Variants in NNT observed in about 807,000 individuals in gnomAD.
The protein encoded by NNT is NAD(P) transhydrogenase, mitochondrial.
In NNT, 50 loss-of-function variants were observed where a neutral mutation model predicts 104.8. That is an observed-to-expected ratio of 0.48 (90% CI 0.38 to 0.60). NNT has a LOEUF of 0.60. NNT is among the 20% of genes least tolerant of loss of function. The probability of loss-of-function intolerance (pLI) is 0.00; values close to 1 mark genes in which losing one functional copy is unlikely to be tolerated. For missense variants in NNT, 1,131 were observed against 1,330.7 expected (o/e 0.85, Z 2.33); for synonymous variants, 461 against 490.4 (o/e 0.94, Z 0.79).
At chr5:43,622,462 C>G (rs1750148356) in intron 5 of NNT, among the ~76,000 whole-genome samples, 1 of 152,120 alleles carries the variant, frequency 6.6e-6, no homozygotes, top group African/African-American at 2.4e-5. Flanking sequence ...GAGACAGGAT[C>G]TCACTATGTT....
intron 19 of NNT, 27 bp from the exon 20 acceptor site, chr5:43,700,092 C>T: frequency 6.4e-7 from 1 of 1,570,032 alleles, no homozygotes; most frequent in South Asian, 1.1e-5. Flanking sequence ...TCAAGTAAGG[C>T]CAGCTCTTCA....
chr5:43,671,347 G>T (rs1280991941), intron 17 of NNT, among the ~76,000 whole-genome samples: 1 of 152,154 alleles, frequency 6.6e-6, no homozygotes, highest in Non-Finnish European at 1.5e-5. Context: ...TGGTTATTTT[G>T]CTCGTTAGTT....
chr5:43,662,596 T>TA (rs969205113), intron 17 of NNT, among the ~76,000 whole-genome samples: 37 of 150,282 alleles, frequency 2.5e-4, no homozygotes, highest in African/African-American at 7.1e-4. Flanking sequence ...AAGTTTTAAT[T>TA]AAAAAAAAAA....
chr5:43,677,860 G>A (rs1254550338), intron 19 of NNT, 54 bp downstream of exon 19: 2 of 1,397,462 alleles, frequency 1.4e-6, no homozygotes, highest in East Asian at 2.3e-5. Context: ...TGTGTGTGGA[G>A]AAAAGGAAAT....
intron 19 of NNT, among the ~76,000 whole-genome samples, chr5:43,679,855 T>A (rs1741608228): frequency 6.6e-6 from 1 of 151,988 alleles, no homozygotes; most frequent in South Asian, 2.1e-4. Flanking sequence ...CACATAATTA[T>A]TAACATAGTT....
chr5:43,671,415 C>G (rs147072103), intron 17 of NNT, among the ~76,000 whole-genome samples: 5,136 of 152,288 alleles, frequency 0.034, 135 homozygotes, highest in East Asian at 0.12. Context: ...TTTGCAGTAG[C>G]TGGTACTGGT....
chr5:43,689,700 G>A (rs891728464), intron 19 of NNT, among the ~76,000 whole-genome samples: 4 of 152,088 alleles, frequency 2.6e-5, no homozygotes, highest in African/African-American at 9.7e-5. Context: ...TCAGAAGGCC[G>A]ATTATTAAGC....
chr5:43,645,833 G>A (rs1010266976), intron 10 of NNT, among the ~76,000 whole-genome samples: 7 of 147,566 alleles, frequency 4.7e-5, no homozygotes, highest in Non-Finnish European at 8.9e-5. Context: ...TCCTGCCTCA[G>A]CCTCCCAAGT....
At chr5:43,603,719 C>T (rs770280735) in intron 1 of NNT, among the ~76,000 whole-genome samples, 1 of 151,986 alleles carries the variant, frequency 6.6e-6, no homozygotes, top group Non-Finnish European at 1.5e-5. Context: ...AGAGGACTTT[C>T]GATGGGCGGT....
chr5:43,695,727 A>G (rs1476110353), intron 19 of NNT, among the ~76,000 whole-genome samples: 1 of 152,208 alleles, frequency 6.6e-6, no homozygotes, highest in Non-Finnish European at 1.5e-5. Context: ...AGGAGGTTTA[A>G]TGGACTTGCA....
At chr5:43,692,923 A>C (rs918844104) in intron 19 of NNT, among the ~76,000 whole-genome samples, 7 of 152,126 alleles carry the variant, frequency 4.6e-5, no homozygotes, top group African/African-American at 1.4e-4. Context: ...TGTCAATCTC[A>C]TGTGCATTTT....
chr5:43,652,804 C>T (rs1434858546), intron 13 of NNT, among the ~76,000 whole-genome samples: 1 of 152,080 alleles, frequency 6.6e-6, no homozygotes, highest in Non-Finnish European at 1.5e-5. Flanking sequence ...TTTTTAGATC[C>T]AGTAATGACT....
chr5:43,689,736 C>CGAA (rs1742166366), intron 19 of NNT, among the ~76,000 whole-genome samples: 1 of 151,844 alleles, frequency 6.6e-6, no homozygotes. Flanking sequence ...CAGAGAAAGG[C>CGAA]GAAGTCCAAG....
At position 43,687,410 on chromosome 5, in the gene NNT, C is replaced by T. The variant is rs575243958; in HGVS notation, c.2876+9604C>T. On this transcript the variant is annotated intron_variant, in intron 19 of 21. Transcript: ENST00000344920. ...TATTCTTCATGTGATGATGGAATAT[C>T]GATGAGCTTTGGCCATCAGTTCCGG... Among the ~76,000 whole-genome samples, 7 of 152,198 alleles carry T rather than the reference C, an allele frequency of 4.6e-5. No homozygotes were observed. The South Asian group carries it at 8.3e-4, about 18-fold the overall frequency.
At position 43,700,144 on chromosome 5, in the gene NNT, C is replaced by A. The variant is rs146831958; in HGVS notation, c.2902C>A (p.Arg968=). Residue 968 remains arginine, a synonymous_variant, in exon 20 of 22, where the codon CGA becomes AGA. Coordinates refer to ENST00000344920, the MANE Select transcript of NNT (RefSeq NM_182977.3). Reference sequence around the variant, plus strand: ...GTTTGGAATTCACCCAGTTGCAGGCCGAATGCCTGGTCAGCTTAATGTGCT... The same window carrying A: ...GTTTGGAATTCACCCAGTTGCAGGCAGAATGCCTGGTCAGCTTAATGTGCT... ...VRFGIHPVAG[R]MPGQLNVLLA... 1.3e-3 allele frequency: 2,143 copies of A among 1,612,180 alleles called. 57 individuals carry two copies. The South Asian group carries it at 0.018, about 14-fold the overall frequency.
At position 43,665,757 on chromosome 5, in the gene NNT, C is replaced by T. The variant is rs573031514; in HGVS notation, c.2634+6407C>T. 2.2e-3 allele frequency among the ~76,000 whole-genome samples: 269 copies of T among 121,400 alleles called. 1 individual carries two copies. The highest frequency in any genetic ancestry group is 8.7e-3 in the Middle Eastern group (2 of 230). The allele number at this position is 121,400 out of a possible 152,430, so 79.6% of individuals were successfully genotyped here. Reference sequence around the variant, plus strand: ...GGAGCTGTTGGGTACACCTCCCAGACGGGGTGGTGGCCGGGCAGAGGGGCT... The same window carrying T: ...GGAGCTGTTGGGTACACCTCCCAGATGGGGTGGTGGCCGGGCAGAGGGGCT... On this transcript the variant is annotated intron_variant, in intron 17 of 21. Transcript: ENST00000344920.
intron 1 of NNT, among the ~76,000 whole-genome samples, chr5:43,605,034 C>T (rs953713245): frequency 1.3e-5 from 2 of 152,208 alleles, no homozygotes; most frequent in South Asian, 4.2e-4. Context: ...AGTGACTTCC[C>T]AAGGTCACAC....
chr5:43,619,048 C>T lies in NNT; in HGVS notation c.616C>T (p.Leu206=). The stretch of plus-strand genomic sequence containing the variant: ...TTTTTAAAGTTATAAGGCTGTTGTC[C>T]TAGCAGCAAATCATTTTGGACGTTT... ...ANIAGYKAVV[L]AANHFGRFFT... is the part of the protein sequence containing the mutation. The change falls in exon 5 of 22, where the codon CTA becomes TTA. Residue 206 remains leucine, a synonymous_variant. Transcript: ENST00000344920. The T allele has an allele frequency of 6.5e-7, 1 of 1,548,062 alleles. No individual in the cohort carries two copies. The highest frequency in any genetic ancestry group is 8.7e-7 in the Non-Finnish European group (1 of 1,144,808).
chr5:43,653,954 C>CAA (rs1189629677), intron 14 of NNT, among the ~76,000 whole-genome samples: 3 of 100,962 alleles, frequency 3.0e-5, no homozygotes, highest in East Asian at 2.8e-4. Context: ...GACTCTGTCT[C>CAA]AAAAAAAAAA....
Sources: allele counts gnomAD v4.1 joint callset (sites outside exome capture counted in the v4.1 genomes callset), GRCh38; gene constraint gnomAD v4.1.1; transcripts MANE v1.5; gene names NCBI Gene and HGNC (gene_info 2026-07-23, HGNC 2026-07-21).